The following RILPL1 variants were observed in gnomAD, a reference collection of about 807,000 sequenced individuals.
RILPL1 encodes the protein RILP-like protein 1.
A neutral mutation model predicts 50.3 loss-of-function variants in RILPL1; 33 were observed. That is an observed-to-expected ratio of 0.66 (90% CI 0.50 to 0.88). The LOEUF (loss-of-function observed/expected upper bound fraction) is 0.88. RILPL1 is among the 40% of genes least tolerant of loss of function. RILPL1 has a pLI of 0.00. For synonymous variants in RILPL1, 205 were observed against 228.6 expected (o/e 0.90, Z 0.93); for missense variants, 418 against 542.5 (o/e 0.77, Z 2.28).
At chr12:123,511,073 G>GTGTCAA (rs1884122414) in intron 2 of RILPL1, among the ~76,000 whole-genome samples, 4 of 145,190 alleles carry the variant, frequency 2.8e-5, no homozygotes, top group African/African-American at 2.6e-5. Flanking sequence ...GTCTGTGTGT[G>GTGTCAA]TGTGAGGTCT....
intron 2 of RILPL1, among the ~76,000 whole-genome samples, chr12:123,520,037 T>C (rs1478347833): frequency 6.6e-6 from 1 of 152,200 alleles, no homozygotes; most frequent in Non-Finnish European, 1.5e-5. Context: ...CCTGCAGAAG[T>C]GTCAGAAGTT....
chr12:123,512,617 TG>T (rs1210024705), intron 2 of RILPL1, among the ~76,000 whole-genome samples: 15 of 145,162 alleles, frequency 1.0e-4, no homozygotes, highest in African/African-American at 3.4e-4. Context: ...GTGTGAGGTC[TG>T]TGTCTGTGTG....
At position 123,533,646 on chromosome 12, in the gene RILPL1, G is replaced by A; in HGVS notation, c.-164C>T. 3 of 283,298 alleles carry A rather than the reference G, an allele frequency of 1.1e-5. No homozygotes were observed. Among genetic ancestry groups the A allele is most frequent in the Non-Finnish European group, 1.6e-5 (3 of 191,046 alleles). 17.5% of individuals were successfully genotyped at this position (283,298 alleles called of 1,614,324 possible). On this transcript the variant is annotated 5_prime_UTR_variant, in exon 1 of 7. Coordinates refer to ENST00000376874, the MANE Select transcript of RILPL1 (RefSeq NM_178314.5). This position sits in a 1 kb window ranked among gnomAD's most constrained non-coding sequence, Gnocchi z 6.2. ...GGCAGCGGGCGGCGGGCGCGGGCGC[G>A]GGCACGGGCGGCGGCGCGGGGTGTG...
chr12:123,479,462 A>G (rs1010157055), intron 6 of RILPL1, among the ~76,000 whole-genome samples: 1 of 152,082 alleles, frequency 6.6e-6, no homozygotes, highest in African/African-American at 2.4e-5. Context: ...TAGGTGCAGG[A>G]GGAATGAAGG....
Position 123,485,881 on chromosome 12 carries a change from C to T in RILPL1, c.802-76G>A. ...ACCCACTCTCTATCCTGAAGGAGCC[C>T]AAATTCTCCCCCTCCCGGGGTGCCA... On this transcript the variant is annotated intron_variant, in intron 4 of 6. Transcript: ENST00000376874. The surrounding 1 kb of genome is among the most constrained non-coding windows in gnomAD (Gnocchi z 4.0). The T allele has an allele frequency of 7.0e-7, 1 of 1,428,844 alleles. No homozygotes were observed. Among genetic ancestry groups the T allele is most frequent in the South Asian group, 1.4e-5 (1 of 69,498 alleles). The allele number at this position is 1,428,844 out of a possible 1,614,324, so 88.5% of individuals were successfully genotyped here. A position where few individuals can be genotyped will look rare whatever the true frequency, so the allele number is the denominator to read the frequency against.
intron 1 of RILPL1, among the ~76,000 whole-genome samples, chr12:123,526,563 A>G (rs1885267445): frequency 6.6e-6 from 1 of 152,206 alleles, no homozygotes; most frequent in African/African-American, 2.4e-5. Flanking sequence ...AAGCACTAAC[A>G]ATGTGTGTGC....
At chr12:123,524,450 TATG>T (rs1337018488) in intron 1 of RILPL1, among the ~76,000 whole-genome samples, 2 of 152,004 alleles carry the variant, frequency 1.3e-5, no homozygotes, top group African/African-American at 4.8e-5. Context: ...GCTCAAGAGG[TATG>T]AACACAATGT....
intron 2 of RILPL1, among the ~76,000 whole-genome samples, chr12:123,500,274 CTTTCT>C (rs1317091916): frequency 2.9e-5 from 4 of 139,766 alleles, no homozygotes; most frequent in Admixed American, 1.5e-4. Flanking sequence ...CTATGTGTCC[CTTTCT>C]TTTTTTTTTT....
At chr12:123,532,963 G>A (rs1301565387) in intron 1 of RILPL1, among the ~76,000 whole-genome samples, 1 of 152,208 alleles carries the variant, frequency 6.6e-6, no homozygotes, top group African/African-American at 2.4e-5. Flanking sequence ...TGGAACTCCA[G>A]AGAACAGCTC....
chr12:123,484,011 A>C (rs945272266), intron 6 of RILPL1, among the ~76,000 whole-genome samples, 169 bp downstream of exon 6: 6 of 152,170 alleles, frequency 3.9e-5, no homozygotes, highest in Non-Finnish European at 7.3e-5. Context: ...GGAGGGACTC[A>C]GCATTCAGGA....
intron 2 of RILPL1, among the ~76,000 whole-genome samples, chr12:123,500,395 C>T (rs1883304734): frequency 6.6e-6 from 1 of 151,272 alleles, no homozygotes; most frequent in Non-Finnish European, 1.5e-5. Flanking sequence ...GTGATCTTCC[C>T]ACCTCAGCCT....
At chr12:123,505,852 TG>T (rs923869594) in intron 2 of RILPL1, among the ~76,000 whole-genome samples, 1 of 152,172 alleles carries the variant, frequency 6.6e-6, no homozygotes, top group African/African-American at 2.4e-5. Context: ...CTCAAACTCC[TG>T]GGCTCAAGCG....
intron 4 of RILPL1, among the ~76,000 whole-genome samples, chr12:123,493,930 A>G (rs1012609743): frequency 2.6e-5 from 4 of 151,716 alleles, no homozygotes; most frequent in African/African-American, 9.7e-5. Context: ...GATTACAGGC[A>G]CCCACCACCA....
At chr12:123,532,443 C>T (rs561156360) in intron 1 of RILPL1, among the ~76,000 whole-genome samples, 45 of 152,224 alleles carry the variant, frequency 3.0e-4, no homozygotes, top group East Asian at 1.4e-3. Flanking sequence ...GGAGGAGACA[C>T]GGGGGCTGGG....
intron 2 of RILPL1, chr12:123,514,154 A>G (rs1157289594): frequency 6.6e-6 from 1 of 152,264 alleles, no homozygotes; most frequent in African/African-American, 2.4e-5. Context: ...CAGCTCTGAC[A>G]CGCCACAGCA....
At position 123,479,746 on chromosome 12, in the gene RILPL1, G is replaced by A. The variant is rs149645434; in HGVS notation, c.1067+4434C>T. The stretch of plus-strand genomic sequence containing the variant: ...CCTGTGGCTGGGAGGTTCTGGTCTC[G>A]CTCTCTCGTCTTTCTCTGAGTCTGT... On this transcript the variant is annotated intron_variant, in intron 6 of 6. Coordinates refer to ENST00000376874, the MANE Select transcript of RILPL1 (RefSeq NM_178314.5). Among the ~76,000 whole-genome samples, 72 of 152,266 alleles carry A rather than the reference G, an allele frequency of 4.7e-4. No individual in the cohort carries two copies. The East Asian group carries it at 0.013, about 27-fold the overall frequency.
At chr12:123,497,074 C>T (rs948389651) in intron 4 of RILPL1, among the ~76,000 whole-genome samples, 28 of 152,316 alleles carry the variant, frequency 1.8e-4, no homozygotes, top group African/African-American at 5.5e-4. Context: ...TCTTTCACTC[C>T]GCGTGATGTT....
intron 2 of RILPL1, 149 bp from the exon 3 acceptor site, chr12:123,499,685 C>T (rs771839817): frequency 2.2e-5 from 14 of 647,028 alleles, no homozygotes; most frequent in South Asian, 7.0e-5. Flanking sequence ...TCACGCCCTT[C>T]GCCCTCCCCG....
At chr12:123,480,551 A>G (rs964452270) in intron 6 of RILPL1, among the ~76,000 whole-genome samples, 3 of 152,198 alleles carry the variant, frequency 2.0e-5, no homozygotes, top group East Asian at 1.9e-4. Context: ...GCCCATGCAG[A>G]GACTATCTGG....
Sources: allele counts gnomAD v4.1 joint callset (sites outside exome capture counted in the v4.1 genomes callset), GRCh38; gene constraint gnomAD v4.1.1; non-coding constraint Gnocchi (gnomAD v3.1); transcripts MANE v1.5; gene names NCBI Gene and HGNC (gene_info 2026-07-23, HGNC 2026-07-21).